Variants in GLB1 observed in about 807,000 individuals in gnomAD.
GLB1 encodes the protein beta-galactosidase.
A neutral mutation model predicts 74.0 loss-of-function variants in GLB1; 56 were observed. The observed-to-expected ratio is 0.76, with a 90% CI of 0.61 to 0.94. GLB1 has a LOEUF of 0.94. Ranked by LOEUF, GLB1 falls within the 40% of genes least tolerant of loss-of-function variation. The pLI is 0.00. For synonymous variants in GLB1, 323 were observed against 323.6 expected, an observed-to-expected ratio of 1.00 and a Z score of 0.02; for missense variants, 787 against 845.5, an observed-to-expected ratio of 0.93 and a Z score of 0.86.
At chr3:32,984,321 A>G in the GLB1 span, among the ~76,000 whole-genome samples, 1 of 152,028 alleles carries the variant, frequency 6.6e-6, no homozygotes, top group Non-Finnish European at 1.5e-5. Context: ...GGGGGAATTC[A>G]AGGGGTTTGC....
At chr3:32,970,764 C>T in the GLB1 span, among the ~76,000 whole-genome samples, 6 of 152,176 alleles carry the variant, frequency 3.9e-5, no homozygotes, top group East Asian at 1.9e-4. Flanking sequence ...AATCCTACGG[C>T]GAAACCTAAC....
At chr3:33,032,110 T>A (rs1018936116) in intron 10 of GLB1, among the ~76,000 whole-genome samples, 2 of 152,022 alleles carry the variant, frequency 1.3e-5, no homozygotes, top group Non-Finnish European at 2.9e-5. Flanking sequence ...TTCTAAAGAC[T>A]CTGTCTCCTT....
In GLB1 at chr3:33,058,000, C is replaced by T. The variant is rs1699287993; in HGVS notation, c.733+89G>A. On this transcript the variant is annotated intron_variant, in intron 6 of 15. Transcript: ENST00000307363. The stretch of plus-strand genomic sequence containing the variant: ...AAAACATGAAAAATCTCAATCTGCC[C>T]ATGACACTTATAACAACAGCTGCCC... 1.2e-5 allele frequency: 18 copies of T among 1,531,022 alleles called. No homozygotes were observed. In the South Asian group the frequency reaches 1.4e-4, roughly 12 times the overall value. 94.8% of individuals were successfully genotyped at this position (1,531,022 alleles called of 1,614,324 possible). A position where few individuals can be genotyped will look rare whatever the true frequency, so the allele number is the denominator to read the frequency against.
intron 1 of GLB1, among the ~76,000 whole-genome samples, chr3:33,095,053 A>G (rs2125588168): frequency 6.6e-6 from 1 of 152,190 alleles, no homozygotes; most frequent in Admixed American, 6.5e-5. Context: ...TCTACTAAAA[A>G]TTCAAAAATT....
chr3:32,968,662 AAAG>A, the GLB1 span, among the ~76,000 whole-genome samples: 1 of 152,174 alleles, frequency 6.6e-6, no homozygotes, highest in Non-Finnish European at 1.5e-5. Context: ...ATGAAGTCAC[AAAG>A]AAGAGGAAAG....
At position 33,058,176 on chromosome 3, in the gene GLB1, C is replaced by T; in HGVS notation, c.646G>A (p.Val216Ile). 1 of 1,614,140 alleles carries T rather than the reference C, an allele frequency of 6.2e-7. No individual in the cohort carries two copies. Among genetic ancestry groups the T allele is most frequent in the Non-Finnish European group, 8.5e-7 (1 of 1,180,028 alleles). Residue 216 changes from valine to isoleucine, a missense_variant, in exon 6 of 16, where the codon GTT becomes ATT. Transcript: ENST00000307363. ...TGTGCTCCATCAGTGGTAAACAGAACCACATCATCCCCCAGATGGTGGCGA... is the reference window on the plus strand; with the variant it reads ...TGTGCTCCATCAGTGGTAAACAGAATCACATCATCCCCCAGATGGTGGCGA... ...RFRHHLGDDV[V>I]LFTTDGAHKT...
chr3:33,084,803 G>A (rs1700445137), intron 1 of GLB1, among the ~76,000 whole-genome samples: 1 of 152,016 alleles, frequency 6.6e-6, no homozygotes, highest in Non-Finnish European at 1.5e-5. Flanking sequence ...ACCATATTTG[G>A]CCTAAGGATA....
chr3:33,031,663 ATATATATATAT>A (rs1698043803), intron 10 of GLB1, among the ~76,000 whole-genome samples: 1 of 131,014 alleles, frequency 7.6e-6, no homozygotes, highest in Non-Finnish European at 1.6e-5. Context: ...ATATATATAT[ATATATATATAT>A]AATCTCCACT....
intron 10 of GLB1, among the ~76,000 whole-genome samples, chr3:33,029,026 T>C (rs1697896300): frequency 1.3e-5 from 2 of 152,190 alleles, no homozygotes; most frequent in Admixed American, 1.3e-4. Flanking sequence ...CTCATTATAA[T>C]ACAGATATTA....
At chr3:33,091,511 G>T in intron 1 of GLB1, 1 of 985,464 alleles carries the variant, frequency 1.0e-6, no homozygotes, top group African/African-American at 1.7e-5. Context: ...GCCCAACAGA[G>T]TTCCTTAGCA....
chr3:33,044,576 A>C (rs1453506929), intron 10 of GLB1, among the ~76,000 whole-genome samples: 1 of 151,916 alleles, frequency 6.6e-6, no homozygotes, highest in African/African-American at 2.4e-5. Flanking sequence ...AATTCTGTGG[A>C]GATTAAACCC....
At chr3:32,965,886 A>T in the GLB1 span, among the ~76,000 whole-genome samples, 1 of 152,262 alleles carries the variant, frequency 6.6e-6, no homozygotes, top group African/African-American at 2.4e-5. Flanking sequence ...TGCAAGCCCC[A>T]ATCCTTGGCA....
At chr3:33,048,479 TCA>T (rs1559399410) in intron 9 of GLB1, among the ~76,000 whole-genome samples, 2 of 152,156 alleles carry the variant, frequency 1.3e-5, no homozygotes, top group African/African-American at 4.8e-5. Context: ...TAGGCAGCCA[TCA>T]CACAGCTGTG....
chr3:33,075,528 A>G (rs949339555), intron 1 of GLB1, among the ~76,000 whole-genome samples: 1 of 152,254 alleles, frequency 6.6e-6, no homozygotes, highest in Non-Finnish European at 1.5e-5. Context: ...ATCACAGACA[A>G]GAACCACACA....
the GLB1 span, among the ~76,000 whole-genome samples, chr3:32,985,322 G>A: frequency 1.1e-4 from 17 of 151,096 alleles, no homozygotes; most frequent in Non-Finnish European, 1.5e-4. Flanking sequence ...ATGGAGTCTC[G>A]CTCTGTCGCC....
chr3:33,034,453 G>A, intron 10 of GLB1: 2 of 731,682 alleles, frequency 2.7e-6, no homozygotes, highest in Non-Finnish European at 2.5e-6. Flanking sequence ...GCCAGTGGAA[G>A]GAGAGCAGAA....
intron 1 of GLB1, among the ~76,000 whole-genome samples, chr3:33,088,368 T>TACAC (rs55949952): frequency 0.011 from 1,515 of 141,786 alleles, 9 homozygotes; most frequent in African/African-American, 0.027. Flanking sequence ...CCCTAAAGAC[T>TACAC]ACACACACAC....
intron 15 of GLB1, among the ~76,000 whole-genome samples, chr3:32,997,916 C>A (rs1696382702): frequency 6.6e-6 from 1 of 152,126 alleles, no homozygotes; most frequent in Non-Finnish European, 1.5e-5. Context: ...CAGGAGTGGT[C>A]CCCAAAACAA....
In GLB1 at chr3:33,035,078, G is replaced by GT. The variant is rs1698213445; in HGVS notation, c.1069-10754dup. Among the ~76,000 whole-genome samples the GT allele has an allele frequency of 2.0e-5, 3 of 151,816 alleles. No individual in the cohort carries two copies. In the South Asian group the frequency reaches 6.3e-4, roughly 32 times the overall value. On this transcript the variant is annotated intron_variant, in intron 10 of 15. Transcript: ENST00000307363. ...TGCTTATTAAAAAAATAAACAAAAGGTAAGGAATGAAGAATGGTAGAAGTT... is the reference window on the plus strand; with the variant it reads ...TGCTTATTAAAAAAATAAACAAAAGGTTAAGGAATGAAGAATGGTAGAAGTT...
Sources: allele counts gnomAD v4.1 joint callset (sites outside exome capture counted in the v4.1 genomes callset), GRCh38; gene constraint gnomAD v4.1.1; transcripts MANE v1.5; gene names NCBI Gene and HGNC (gene_info 2026-07-23, HGNC 2026-07-21).